Variants in CHIC1 observed in about 807,000 individuals in gnomAD.
CHIC1 encodes the protein cysteine-rich hydrophobic domain-containing protein 1.
In CHIC1, 7 loss-of-function variants were observed where a neutral mutation model predicts 18.5. That is an observed-to-expected ratio of 0.38 (90% CI 0.22 to 0.71). CHIC1 has a LOEUF of 0.71. Among genes scored for constraint, CHIC1 ranks in the 30% least tolerant of loss-of-function variants. The pLI, the probability that CHIC1 is intolerant of heterozygous loss-of-function variation, is 0.49. For missense variants in CHIC1, 159 were observed against 176.9 expected (o/e 0.90, Z 0.57); for synonymous variants, 77 against 73.5 (o/e 1.05, Z -0.25).
intron 3 of CHIC1, among the ~76,000 whole-genome samples, chrX:73,614,928 A>C (rs1488997470): frequency 9.1e-6 from 1 of 110,249 alleles, no homozygotes; most frequent in Non-Finnish European, 1.9e-5. Context: ...GAGATGTCAA[A>C]CTTCCTTGCT....
chrX:73,661,490 A>T (rs1249404953), intron 3 of CHIC1, among the ~76,000 whole-genome samples: 1 of 111,948 alleles, frequency 8.9e-6, no homozygotes, highest in East Asian at 2.8e-4. Flanking sequence ...GGAAAAATTG[A>T]TGCAATTGGG....
intron 3 of CHIC1, among the ~76,000 whole-genome samples, chrX:73,601,549 G>A (rs1159586824): frequency 2.8e-5 from 3 of 106,267 alleles, no homozygotes; most frequent in Non-Finnish European, 3.8e-5. Flanking sequence ...TGTCTGGGAC[G>A]CATTCAAAGC....
chrX:73,652,865 A>ATATGACCCATACC (rs1569504556), intron 3 of CHIC1, among the ~76,000 whole-genome samples: 1 of 111,880 alleles, frequency 8.9e-6, no homozygotes, highest in Non-Finnish European at 1.9e-5. Flanking sequence ...TTGACCCAGC[A>ATATGACCCATACC]ATTTCATTAC....
chrX:73,678,961 T>C (rs1437200678), intron 3 of CHIC1, among the ~76,000 whole-genome samples: 1 of 112,142 alleles, frequency 8.9e-6, no homozygotes, highest in Non-Finnish European at 1.9e-5. Context: ...AAGACAGTTA[T>C]GTGAAAATCT....
rs1371488017 is a variant in CHIC1 at position 73,681,840 on chromosome X, A to G, written c.*835A>G. On this transcript the variant is annotated 3_prime_UTR_variant, in exon 6 of 6. Coordinates refer to ENST00000373502, the MANE Select transcript of CHIC1 (RefSeq NM_001039840.4). Reference sequence around the variant, plus strand: ...ATTCTGTATTGCACCTGAAACCATGACCTTTATTTTTCCATTTCGTTTAAT... The same window carrying G: ...ATTCTGTATTGCACCTGAAACCATGGCCTTTATTTTTCCATTTCGTTTAAT... 1 of 111,990 alleles carries G rather than the reference A, an allele frequency of 8.9e-6. No individual in the cohort carries two copies. Among genetic ancestry groups the G allele is most frequent in the Non-Finnish European group, 1.9e-5 (1 of 52,831 alleles). The allele number at this position is 111,990 out of a possible 1,213,427, so 9.2% of individuals were successfully genotyped here. A position where few individuals can be genotyped will look rare whatever the true frequency, so the allele number is the denominator to read the frequency against.
At chrX:73,669,202 C>G (rs2058018447) in intron 3 of CHIC1, among the ~76,000 whole-genome samples, 1 of 111,012 alleles carries the variant, frequency 9.0e-6, no homozygotes, top group Non-Finnish European at 1.9e-5. Context: ...ACCAACCAAC[C>G]CAAGTGGTGG....
chrX:73,638,695 G>T (rs1271998715), intron 3 of CHIC1, among the ~76,000 whole-genome samples: 1 of 110,600 alleles, frequency 9.0e-6, no homozygotes, highest in Admixed American at 9.6e-5. Context: ...CCTTCCTCAA[G>T]TAGGCCTCTG....
chrX:73,656,535 C>T (rs769987615), intron 3 of CHIC1, among the ~76,000 whole-genome samples: 13 of 111,563 alleles, frequency 1.2e-4, no homozygotes, highest in Non-Finnish European at 1.7e-4. Context: ...GCCAGTTCTC[C>T]CAGCACCATT....
chrX:73,610,687 C>T (rs2057704112), intron 3 of CHIC1, among the ~76,000 whole-genome samples: 1 of 108,523 alleles, frequency 9.2e-6, no homozygotes, highest in South Asian at 3.8e-4. Context: ...TAGAATTCAC[C>T]TGTGAAGCAA....
At chrX:73,675,933 A>C (rs2058059994) in intron 3 of CHIC1, among the ~76,000 whole-genome samples, 1 of 110,300 alleles carries the variant, frequency 9.1e-6, no homozygotes, top group Non-Finnish European at 1.9e-5. Context: ...CCTGGTGGTG[A>C]CAAAATCTCT....
intron 3 of CHIC1, among the ~76,000 whole-genome samples, chrX:73,655,464 A>ATATATAGTGTGTG (rs2057939835): frequency 6.2e-5 from 1 of 16,001 alleles, no homozygotes; most frequent in Non-Finnish European, 1.8e-4. Context: ...AATATTGTGT[A>ATATATAGTGTGTG]TATATATATA....
chrX:73,652,131 G>A (rs757699254), intron 3 of CHIC1, among the ~76,000 whole-genome samples: 106 of 111,770 alleles, frequency 9.5e-4, no homozygotes, highest in African/African-American at 3.3e-3. Context: ...ACAAGCAACA[G>A]GGAAAGGATT....
rs1333442796 is a variant in CHIC1, at chrX:73,563,370, C to T, written c.86C>T (p.Ser29Leu). ...EEEEEEAATS[S>L]SSPSSSSSVS... ...GAGGAAGAAGAAGCGGCAACGTCGT[C>T]GTCGTCGCCGTCGTCGTCGTCGTCG... The change falls in exon 1 of 6, where the codon TCG becomes TTG. Residue 29 changes from serine (S) to leucine (L), a missense_variant. Ser to Leu is a moderately radical substitution (Grantham distance 145). Transcript: ENST00000373502. 3 of 1,154,255 alleles carry T rather than the reference C, an allele frequency of 2.6e-6. No homozygotes were observed. The South Asian group carries it at 5.9e-5, about 23-fold the overall frequency.
Position 73,681,682 on chromosome X carries a change from A to G in CHIC1, c.*677A>G, listed in dbSNP as rs2058099977. The G allele has an allele frequency of 8.9e-6, 1 of 112,555 alleles. No individual in the cohort carries two copies. Among genetic ancestry groups the G allele is most frequent in the African/African-American group, 3.2e-5 (1 of 31,066 alleles). The allele number at this position is 112,555 out of a possible 1,213,427, so 9.3% of individuals were successfully genotyped here. On this transcript the variant is annotated 3_prime_UTR_variant, in exon 6 of 6. Transcript: ENST00000373502. ...TTTAATATGAATGAAGTTTGCAAGCATCCCTTTGAATGTAGAAACTGCTAA... is the reference window on the plus strand; with the variant it reads ...TTTAATATGAATGAAGTTTGCAAGCGTCCCTTTGAATGTAGAAACTGCTAA...
At position 73,584,477 on chromosome X, in the gene CHIC1, C is replaced by G. The variant is rs762140352; in HGVS notation, c.412C>G (p.Leu138Val). 5 of 1,174,337 alleles carry G rather than the reference C, an allele frequency of 4.3e-6. No individual in the cohort carries two copies. The highest frequency in any genetic ancestry group is 2.5e-5 in the Admixed American group (1 of 40,668). Residue 138 changes from leucine (L) to valine (V), a missense_variant, in exon 3 of 6, where the codon CTC (leucine) becomes GTC (valine). Leu to Val is a conservative substitution (Grantham distance 32). Coordinates refer to ENST00000373502, the MANE Select transcript of CHIC1 (RefSeq NM_001039840.4). ...TGTGAATGCATGTTTGAAAAAGGCT[C>G]TCCCGGTCAATGTGAAATGGCTGCT... The part of the protein sequence containing the change: ...GRVNACLKKA[L>V]PVNVKWLLCG...
chrX:73,592,908 A>G (rs1196989880), intron 3 of CHIC1, among the ~76,000 whole-genome samples: 1 of 107,236 alleles, frequency 9.3e-6, no homozygotes, highest in African/African-American at 3.4e-5. Flanking sequence ...CAGGGTTTCC[A>G]TTTTTTTTTC....
At position 73,624,036 on chromosome X, in the gene CHIC1, C is replaced by G. The variant is rs529166096; in HGVS notation, c.507+39464C>G. Among the ~76,000 whole-genome samples, 5 of 109,456 alleles carry G rather than the reference C, an allele frequency of 4.6e-5. No homozygotes were observed. In the South Asian group the frequency reaches 1.6e-3, roughly 35 times the overall value. ...ACAGCTGGAAGGCAAAAGAAATCCCCCAAAATTAAGGATCTCATTTTTATA... is the reference window on the plus strand; with the variant it reads ...ACAGCTGGAAGGCAAAAGAAATCCCGCAAAATTAAGGATCTCATTTTTATA... On this transcript the variant is annotated intron_variant, in intron 3 of 5. Transcript: ENST00000373502.
chrX:73,608,415 T>C (rs1475492938), intron 3 of CHIC1, among the ~76,000 whole-genome samples: 2 of 108,224 alleles, frequency 1.8e-5, no homozygotes. Context: ...AATTTTAGGA[T>C]TTTTTTTATT....
At chrX:73,602,438 G>A (rs2057655954) in intron 3 of CHIC1, among the ~76,000 whole-genome samples, 1 of 108,285 alleles carries the variant, frequency 9.2e-6, no homozygotes, top group African/African-American at 3.6e-5. Flanking sequence ...TGGATAGATT[G>A]CAAACATTTT....
Sources: gnomAD v4.1 joint callset for allele counts (sites outside exome capture counted in the v4.1 genomes callset) on GRCh38, gnomAD v4.1.1 for gene constraint, MANE v1.5 for transcripts, NCBI Gene and HGNC (gene_info 2026-07-23, HGNC 2026-07-21) for gene names.